The following ARID2 variants were observed in gnomAD, a reference collection of about 807,000 sequenced individuals.
ARID2 encodes AT-rich interactive domain-containing protein 2.
A neutral mutation model predicts 184.6 loss-of-function variants in ARID2; 32 were observed. The ratio of observed to expected loss-of-function variants is 0.17; its 90% CI spans 0.13 to 0.23. ARID2 has a LOEUF of 0.23. Among genes scored for constraint, ARID2 ranks in the 10% least tolerant of loss-of-function variants. ARID2 has a pLI of 1.00. For missense variants in ARID2, 1,696 were observed against 2,197.6 expected, an observed-to-expected ratio of 0.77 and a Z score of 4.56; for synonymous variants, 836 against 772.6, an observed-to-expected ratio of 1.08 and a Z score of -1.36.
chr12:45,787,971 T>C (rs936739879), intron 3 of ARID2, among the ~76,000 whole-genome samples: 1 of 152,350 alleles, frequency 6.6e-6, no homozygotes, highest in South Asian at 2.1e-4. Flanking sequence ...TCATTCATTC[T>C]TTTCTATTTA....
At chr12:45,837,273 A>G (rs774025066) in intron 8 of ARID2, 48 bp from the exon 9 acceptor site, 1 of 1,442,902 alleles carries the variant, frequency 6.9e-7, no homozygotes, top group Non-Finnish European at 9.5e-7. Flanking sequence ...TGAAGTATAC[A>G]ACTCTGGAAG....
intron 3 of ARID2, among the ~76,000 whole-genome samples, chr12:45,770,210 GCCACT>G (rs1941845355): frequency 6.6e-6 from 1 of 151,624 alleles, no homozygotes; most frequent in Non-Finnish European, 1.5e-5. Context: ...CCGAGATCGT[GCCACT>G]GCACTCCAGC....
chr12:45,834,853 C>CT (rs1221162304), intron 6 of ARID2, among the ~76,000 whole-genome samples: 3 of 152,148 alleles, frequency 2.0e-5, no homozygotes, highest in Non-Finnish European at 4.4e-5. Context: ...CAGCTTTTTT[C>CT]TTTTTTTATC....
rs575163148 is a variant in ARID2 at position 45,795,577 on chromosome 12, C to A, written c.285-15841C>A. Among the ~76,000 whole-genome samples the A allele has an allele frequency of 1.6e-3, 248 of 152,138 alleles. 2 individuals are homozygous for A. The South Asian group carries it at 0.025, about 15-fold the overall frequency. On this transcript the variant is annotated intron_variant, in intron 3 of 20. Coordinates refer to ENST00000334344, the MANE Select transcript of ARID2 (RefSeq NM_152641.4). ...CCTCCTGAGTAGCTGGGACTACAGGCGCCCGCCACCACGCCTGGTTAATTT... is the reference window on the plus strand; with the variant it reads ...CCTCCTGAGTAGCTGGGACTACAGGAGCCCGCCACCACGCCTGGTTAATTT...
intron 3 of ARID2, among the ~76,000 whole-genome samples, chr12:45,759,123 A>G (rs918379005): frequency 7.2e-5 from 11 of 152,124 alleles, no homozygotes; most frequent in African/African-American, 2.2e-4. Flanking sequence ...AGTGTTTTCT[A>G]TGTTTTCACG....
At position 45,905,101 on chromosome 12, in the gene ARID2, G is replaced by T; in HGVS notation, c.*23G>T. 6.2e-7 allele frequency: 1 copy of T among 1,606,498 alleles called. No homozygotes were observed. The highest frequency in any genetic ancestry group is 1.1e-5 in the South Asian group (1 of 89,980). ...TGAAAAATAATTCCACTTACACAGT[G>T]GGGGACTCAAAGTCAGCCACATTTC... On this transcript the variant is annotated 3_prime_UTR_variant, in exon 21 of 21. Transcript: ENST00000334344.
At chr12:45,785,350 T>TATC (rs1284841982) in intron 3 of ARID2, among the ~76,000 whole-genome samples, 2 of 152,332 alleles carry the variant, frequency 1.3e-5, no homozygotes, top group Admixed American at 6.5e-5. Context: ...TGGTAACTAA[T>TATC]ATCATCATCA....
intron 3 of ARID2, among the ~76,000 whole-genome samples, chr12:45,738,121 A>G (rs189621305): frequency 1.4e-4 from 21 of 152,150 alleles, no homozygotes; most frequent in Admixed American, 1.2e-3. Context: ...TTCTTTCCAA[A>G]TGGGGTACCA....
Position 45,905,199 on chromosome 12 carries a change from C to A in ARID2, c.*121C>A. On this transcript the variant is annotated 3_prime_UTR_variant, in exon 21 of 21. Coordinates refer to ENST00000334344, the MANE Select transcript of ARID2 (RefSeq NM_152641.4). The stretch of plus-strand genomic sequence containing the variant: ...ATAGAATGAATTATTTTATCTCCTC[C>A]CATGATGCTGAGAGGAAGCTTCGTA... The A allele has an allele frequency of 1.0e-6, 1 of 984,392 alleles. No individual in the cohort carries two copies. The highest frequency in any genetic ancestry group is 1.4e-6 in the Non-Finnish European group (1 of 704,440). The allele number at this position is 984,392 out of a possible 1,614,324, so 61.0% of individuals were successfully genotyped here. A position where few individuals can be genotyped will look rare whatever the true frequency, so the allele number is the denominator to read the frequency against.
chr12:45,784,509 C>T (rs1216084495), intron 3 of ARID2, among the ~76,000 whole-genome samples: 2 of 152,090 alleles, frequency 1.3e-5, no homozygotes, highest in Non-Finnish European at 2.9e-5. Flanking sequence ...GAAACACCAT[C>T]TCTACAAAAA....
chr12:45,887,260 A>G (rs1052372402), intron 16 of ARID2, among the ~76,000 whole-genome samples: 6 of 152,158 alleles, frequency 3.9e-5, no homozygotes, highest in Non-Finnish European at 8.8e-5. Flanking sequence ...ATATATATAT[A>G]TTTTAAATCG....
intron 6 of ARID2, among the ~76,000 whole-genome samples, chr12:45,832,669 A>G (rs1451573708): frequency 6.6e-6 from 1 of 152,072 alleles, no homozygotes; most frequent in Non-Finnish European, 1.5e-5. Flanking sequence ...TACTACATTT[A>G]CAGTCTGGTC....
At chr12:45,762,237 T>C (rs936365996) in intron 3 of ARID2, among the ~76,000 whole-genome samples, 3 of 152,234 alleles carry the variant, frequency 2.0e-5, no homozygotes, top group African/African-American at 7.2e-5. Flanking sequence ...CTAAATCTTC[T>C]ATAATCATAA....
At position 45,851,819 on chromosome 12, in the gene ARID2, T is replaced by A. The variant is rs1275450072; in HGVS notation, c.3696T>A (p.Thr1232=). 2 of 1,614,142 alleles carry A rather than the reference T, an allele frequency of 1.2e-6. No homozygotes were observed. Among genetic ancestry groups the A allele is most frequent in the Non-Finnish European group, 1.7e-6 (2 of 1,180,012 alleles). The change falls in exon 15 of 21, where the codon ACT becomes ACA. Residue 1232 remains threonine, a synonymous_variant. Coordinates refer to ENST00000334344, the MANE Select transcript of ARID2 (RefSeq NM_152641.4). ...ASPAGQSSCT[T]ATPPFKGDKI... Reference sequence around the variant, plus strand: ...CTGCTGGACAATCATCATGTACTACTGCTACTCCCCCATTCAAAGGTGATA... The same window carrying A: ...CTGCTGGACAATCATCATGTACTACAGCTACTCCCCCATTCAAAGGTGATA...
intron 3 of ARID2, among the ~76,000 whole-genome samples, chr12:45,741,427 GGCTT>G (rs1941254627): frequency 6.6e-6 from 1 of 152,028 alleles, no homozygotes; most frequent in African/African-American, 2.4e-5. Context: ...CAAACTTCTG[GGCTT>G]AAGCAATCCA....
At chr12:45,800,295 A>G (rs972129499) in intron 3 of ARID2, among the ~76,000 whole-genome samples, 2 of 152,392 alleles carry the variant, frequency 1.3e-5, no homozygotes, top group South Asian at 2.1e-4. Context: ...TTCAAATACT[A>G]TACCATTTAT....
intron 16 of ARID2, among the ~76,000 whole-genome samples, chr12:45,868,077 C>G (rs1350189835): frequency 3.3e-5 from 5 of 152,118 alleles, no homozygotes; most frequent in African/African-American, 7.2e-5. Context: ...TGTGAATTAT[C>G]TACTCGTGTC....
At chr12:45,895,617 C>T (rs1944359445) in intron 20 of ARID2, among the ~76,000 whole-genome samples, 1 of 152,246 alleles carries the variant, frequency 6.6e-6, no homozygotes, top group Non-Finnish European at 1.5e-5. Context: ...TCACTGCAAC[C>T]TCTGCCTCCT....
intron 10 of ARID2, among the ~76,000 whole-genome samples, chr12:45,838,156 T>C (rs1318772416): frequency 1.3e-5 from 2 of 152,220 alleles, no homozygotes; most frequent in African/African-American, 4.8e-5. Flanking sequence ...GCTACTACTG[T>C]TAAACAATTA....
Sources: allele counts gnomAD v4.1 joint callset (sites outside exome capture counted in the v4.1 genomes callset), GRCh38; gene constraint gnomAD v4.1.1; transcripts MANE v1.5; gene names NCBI Gene and HGNC (gene_info 2026-07-23, HGNC 2026-07-21).